The following PEX11G variants were observed in gnomAD, a reference collection of about 807,000 sequenced individuals.
The protein encoded by PEX11G is peroxisomal biogenesis factor 11 gamma, also known as peroxisomal membrane protein 11C.
In PEX11G, 20 loss-of-function variants were observed where a neutral mutation model predicts 22.5. The observed-to-expected ratio is 0.89, with a 90% confidence interval of 0.62 to 1.29. The LOEUF is 1.29. PEX11G is among the 50% of genes most tolerant of loss of function. The probability of loss-of-function intolerance (pLI) is 0.00; values close to 1 mark genes in which losing one functional copy is unlikely to be tolerated. For synonymous variants in PEX11G, 141 were observed against 154.5 expected, an observed-to-expected ratio of 0.91 and a Z score of 0.65; for missense variants, 347 against 331.3, an observed-to-expected ratio of 1.05 and a Z score of -0.37.
chr19:7,491,024 T>G (rs7251316), upstream of PEX11G: 57,928 of 151,070 alleles, frequency 0.38, 11,799 homozygotes, highest in African/African-American at 0.54. Flanking sequence ...TTAAGCAATC[T>G]TCCCACGTCG....
upstream of PEX11G, chr19:7,491,040 C>G (rs2021879191): frequency 6.6e-6 from 1 of 151,984 alleles, no homozygotes. Flanking sequence ...CGTCGACCTT[C>G]CAAAGTGCTG....
chr19:7,480,456 C>T lies in PEX11G; in HGVS notation c.428+1577G>A, dbSNP rs1041152222. 1.4e-4 allele frequency among the ~76,000 whole-genome samples: 22 copies of T among 152,224 alleles called. 1 individual carries two copies. Among genetic ancestry groups the T allele is most frequent in the Admixed American group, 1.4e-3 (21 of 15,282 alleles). On this transcript the variant is annotated intron_variant, in intron 3 of 4. Coordinates refer to ENST00000221480, the MANE Select transcript of PEX11G (RefSeq NM_080662.4). ...CCCAGCACACAGGGAAGGCCAGCAG[C>T]ACAGACACCGCTGCCTCCAGGGGCC... is the stretch of plus-strand genomic sequence containing the variant.
At chr19:7,479,702 A>G (rs1549257) in intron 3 of PEX11G, among the ~76,000 whole-genome samples, 5,681 of 152,188 alleles carry the variant, frequency 0.037, 379 homozygotes, top group African/African-American at 0.13. Flanking sequence ...CGGGGCACAC[A>G]GGACTTCGAT....
At chr19:7,489,105 G>C (rs1568384797), upstream of PEX11G, 11 of 1,347,292 alleles carry the variant, frequency 8.2e-6, no homozygotes, top group Non-Finnish European at 1.1e-5. Flanking sequence ...TTGCGCGCAG[G>C]CGCGGCCGCA....
chr19:7,478,981 A>G (rs890562094), intron 3 of PEX11G, among the ~76,000 whole-genome samples: 2 of 152,226 alleles, frequency 1.3e-5, no homozygotes, highest in African/African-American at 4.8e-5. Context: ...CACCCGGGCC[A>G]GTCCACCAGG....
rs954430719 is a variant in PEX11G at position 7,488,995 on chromosome 19, C to G, written c.16G>C (p.Gly6Arg). Residue 6 changes from glycine (G) to arginine (R), a missense_variant, in exon 1 of 5, where the codon GGC becomes CGC. Physicochemically the swap from Gly to Arg is moderately radical, Grantham distance 125. Coordinates refer to ENST00000221480, the MANE Select transcript of PEX11G (RefSeq NM_080662.4). MASLS[G>R]LASALESYRG... ...TACGACTCCAGCGCCGACGCCAGGCCGCTCAGCGACGCCATGGCAACTCCG... is the reference window on the plus strand; with the variant it reads ...TACGACTCCAGCGCCGACGCCAGGCGGCTCAGCGACGCCATGGCAACTCCG... The G allele has an allele frequency of 6.5e-7, 1 of 1,543,218 alleles. No individual in the cohort carries two copies.
Position 7,478,307 on chromosome 19 carries a change from C to G in PEX11G, c.491+7G>C. On this transcript the variant is annotated splice_region_variant and intron_variant, in intron 4 of 4. Transcript: ENST00000221480. Reference sequence around the variant, plus strand: ...GGCCTCCCTGCTGGGTGATCACGGGCTCCTACCTGGTGAAGGGCGCCGTGG... The same window carrying G: ...GGCCTCCCTGCTGGGTGATCACGGGGTCCTACCTGGTGAAGGGCGCCGTGG... 1 of 1,610,206 alleles carries G rather than the reference C, an allele frequency of 6.2e-7. No homozygotes were observed. The highest frequency in any genetic ancestry group is 8.5e-7 in the Non-Finnish European group (1 of 1,179,300).
At chr19:7,482,623 C>T (rs544350429) in intron 2 of PEX11G, among the ~76,000 whole-genome samples, 1 of 152,354 alleles carries the variant, frequency 6.6e-6, no homozygotes, top group South Asian at 2.1e-4. Context: ...GCCTTCCTTC[C>T]CAAAGGCTTC....
At chr19:7,493,631 A>G (rs574383884), upstream of PEX11G, among the ~76,000 whole-genome samples, 24 of 152,082 alleles carry the variant, frequency 1.6e-4, no homozygotes, top group African/African-American at 5.1e-4. Context: ...TCAGCCTCCC[A>G]TAGCACTGGG....
Position 7,488,909 on chromosome 19 carries a change from C to A in PEX11G, c.60+42G>T, listed in dbSNP as rs903954549. ...CCGTTTCCCAGTCTCTGAGCTTGGGCCAAACTCTAGGACCTCCGGCCCCGG... is the reference window on the plus strand; with the variant it reads ...CCGTTTCCCAGTCTCTGAGCTTGGGACAAACTCTAGGACCTCCGGCCCCGG... On this transcript the variant is annotated intron_variant, in intron 1 of 4. Coordinates refer to ENST00000221480, the MANE Select transcript of PEX11G (RefSeq NM_080662.4). 27 of 1,543,962 alleles carry A rather than the reference C, an allele frequency of 1.7e-5. No individual in the cohort carries two copies. The Admixed American group carries it at 3.9e-4, about 22-fold the overall frequency.
intron 1 of PEX11G, among the ~76,000 whole-genome samples, chr19:7,494,863 G>T (rs1016319380): frequency 1.3e-5 from 2 of 152,168 alleles, no homozygotes; most frequent in African/African-American, 4.8e-5. Context: ...GGCAAAACAC[G>T]AACACTGTCC....
chr19:7,479,522 A>G (rs563401438), intron 3 of PEX11G, among the ~76,000 whole-genome samples: 73 of 152,190 alleles, frequency 4.8e-4, no homozygotes, highest in Non-Finnish European at 8.2e-4. Flanking sequence ...GGACCCAGGC[A>G]TCTCCATTTA....
chr19:7,493,155 T>C (rs1397640045), upstream of PEX11G: 1 of 152,070 alleles, frequency 6.6e-6, no homozygotes, highest in East Asian at 1.9e-4. Flanking sequence ...AGAAAGGCCT[T>C]GTCCACTCCT....
At chr19:7,485,016 C>A (rs2145971268) in intron 2 of PEX11G, among the ~76,000 whole-genome samples, 1 of 152,136 alleles carries the variant, frequency 6.6e-6, no homozygotes, top group South Asian at 2.1e-4. Context: ...TATAAAACGC[C>A]CATGGTGGCT....
At chr19:7,490,330 T>TC (rs1165674904), upstream of PEX11G, among the ~76,000 whole-genome samples, 2 of 152,030 alleles carry the variant, frequency 1.3e-5, no homozygotes, top group African/African-American at 2.4e-5. Context: ...CTTGTTAATT[T>TC]TTTTTTTTTA....
chr19:7,494,289 G>C (rs1315145034), intron 1 of PEX11G, among the ~76,000 whole-genome samples: 4 of 151,906 alleles, frequency 2.6e-5, no homozygotes, highest in African/African-American at 9.7e-5. Context: ...CTACTCAGGA[G>C]TCTGAGGCAC....
chr19:7,477,091 T>G lies in PEX11G; in HGVS notation c.*111A>C. The G allele has an allele frequency of 9.6e-7, 1 of 1,046,580 alleles. No homozygotes were observed. The highest frequency in any genetic ancestry group is 1.3e-6 in the Non-Finnish European group (1 of 774,580). The allele number at this position is 1,046,580 out of a possible 1,614,324, so 64.8% of individuals were successfully genotyped here. ...TCCCTCCACCCACCCTGCCCATGGG[T>G]TTCACCACAGGCAGCTCCATGAGAG... is the stretch of plus-strand genomic sequence containing the variant. On this transcript the variant is annotated 3_prime_UTR_variant, in exon 5 of 5. Coordinates refer to ENST00000221480, the MANE Select transcript of PEX11G (RefSeq NM_080662.4).
At chr19:7,486,902 A>G (rs112836281) in intron 1 of PEX11G, among the ~76,000 whole-genome samples, 20,487 of 152,046 alleles carry the variant, frequency 0.13, 1,596 homozygotes, top group Non-Finnish European at 0.19. Context: ...CCTGGCTACC[A>G]AAAATTTTTT....
chr19:7,483,456 A>T (rs1019136386), intron 2 of PEX11G: 3 of 152,704 alleles, frequency 2.0e-5, no homozygotes, highest in African/African-American at 7.2e-5. Context: ...GAACGCAGAC[A>T]TATAAACCGG....
Sources: gnomAD v4.1 joint callset for allele counts (sites outside exome capture counted in the v4.1 genomes callset) on GRCh38, gnomAD v4.1.1 for gene constraint, MANE v1.5 for transcripts, NCBI Gene and HGNC (gene_info 2026-07-23, HGNC 2026-07-21) for gene names.